MACROD2: variants seen among roughly 807,000 people sequenced by gnomAD.
MACROD2 encodes ADP-ribose glycohydrolase MACROD2.
MACROD2 carries 36 observed loss-of-function variants against 70.4 expected under a neutral mutation model. That is an observed-to-expected ratio of 0.51 (90% CI 0.39 to 0.68). MACROD2 has a LOEUF of 0.68. MACROD2 is among the 30% of genes least tolerant of loss of function. The probability of loss-of-function intolerance (pLI) is 0.00; values close to 1 mark genes in which losing one functional copy is unlikely to be tolerated. For missense variants in MACROD2, 496 were observed against 538.4 expected, an observed-to-expected ratio of 0.92 and a Z score of 0.78; for synonymous variants, 172 against 178.8, an observed-to-expected ratio of 0.96 and a Z score of 0.30.
chr20:15,060,114 G>A (rs1407917714), intron 5 of MACROD2, among the ~76,000 whole-genome samples: 4 of 152,178 alleles, frequency 2.6e-5, no homozygotes, highest in Non-Finnish European at 4.4e-5. Flanking sequence ...TACACCCTTG[G>A]GAAGGAGATT....
chr20:14,844,169 A>G (rs1313670831), intron 5 of MACROD2, among the ~76,000 whole-genome samples: 2 of 151,902 alleles, frequency 1.3e-5, no homozygotes, highest in African/African-American at 4.8e-5. Context: ...GGGTCTCAAC[A>G]TTCCATATTC....
intron 6 of MACROD2, among the ~76,000 whole-genome samples, chr20:15,236,810 A>G (rs555699577): frequency 4.6e-5 from 7 of 152,232 alleles, no homozygotes; most frequent in Admixed American, 4.6e-4. Flanking sequence ...GCTCAAGTGA[A>G]TTAAGGTCTT....
chr20:15,689,722 A>C (rs8125287), intron 8 of MACROD2, among the ~76,000 whole-genome samples: 42,946 of 151,964 alleles, frequency 0.28, 8,034 homozygotes, highest in African/African-American at 0.53. Context: ...TACAGACCCC[A>C]AGGGTCTCAG....
intron 8 of MACROD2, among the ~76,000 whole-genome samples, chr20:15,524,319 G>A (rs1352395718): frequency 2.0e-5 from 3 of 151,834 alleles, no homozygotes; most frequent in Non-Finnish European, 2.9e-5. Flanking sequence ...AAGCAGGCTG[G>A]GCAGAGACTC....
chr20:14,134,106 A>G (rs1344863451), intron 3 of MACROD2, among the ~76,000 whole-genome samples: 4 of 152,172 alleles, frequency 2.6e-5, no homozygotes, highest in Non-Finnish European at 5.9e-5. Flanking sequence ...TTTGATCCCA[A>G]AGGTACTCCT....
At chr20:14,627,858 C>A (rs905578744) in intron 4 of MACROD2, among the ~76,000 whole-genome samples, 2 of 152,080 alleles carry the variant, frequency 1.3e-5, no homozygotes, top group African/African-American at 4.8e-5. Flanking sequence ...ATTCTGGATT[C>A]AATGACAAAA....
chr20:15,699,463 G>A (rs2050423957), intron 8 of MACROD2, among the ~76,000 whole-genome samples: 1 of 152,198 alleles, frequency 6.6e-6, no homozygotes, highest in Admixed American at 6.5e-5. Flanking sequence ...ACCAGCACCT[G>A]TTCTGCTGGA....
chr20:14,095,529 A>G (rs564737382), intron 3 of MACROD2, among the ~76,000 whole-genome samples: 1 of 152,336 alleles, frequency 6.6e-6, no homozygotes, highest in Admixed American at 6.5e-5. Flanking sequence ...CTGGTTATAC[A>G]GCCAGTAAGT....
chr20:15,671,404 A>C (rs1600737297), intron 8 of MACROD2, among the ~76,000 whole-genome samples: 1 of 152,154 alleles, frequency 6.6e-6, no homozygotes, highest in Admixed American at 6.5e-5. Context: ...GGCAAAGATA[A>C]GAATGTAAGG....
chr20:15,746,363 G>C (rs906868663), intron 8 of MACROD2, among the ~76,000 whole-genome samples: 7 of 151,408 alleles, frequency 4.6e-5, no homozygotes, highest in Admixed American at 1.3e-4. Context: ...GCATAGCCTT[G>C]GTAAACTTTC....
At chr20:14,258,781 C>T (rs1045470603) in intron 3 of MACROD2, among the ~76,000 whole-genome samples, 6 of 151,984 alleles carry the variant, frequency 3.9e-5, no homozygotes, top group African/African-American at 1.4e-4. Flanking sequence ...CATGAACTCT[C>T]CCTAAGCCAA....
At chr20:14,987,787 G>A (rs2122858605) in intron 5 of MACROD2, among the ~76,000 whole-genome samples, 1 of 152,202 alleles carries the variant, frequency 6.6e-6, no homozygotes, top group South Asian at 2.1e-4. Flanking sequence ...TCCTTGGGAT[G>A]CCATGTTATA....
At chr20:14,435,175 C>G (rs1033602706) in intron 3 of MACROD2, among the ~76,000 whole-genome samples, 2 of 152,134 alleles carry the variant, frequency 1.3e-5, no homozygotes, top group Non-Finnish European at 2.9e-5. Context: ...TTTGTGGTGG[C>G]TTTCGGAATT....
chr20:15,196,445 G>C (rs780828349), intron 5 of MACROD2, among the ~76,000 whole-genome samples: 13 of 152,114 alleles, frequency 8.5e-5, no homozygotes, highest in Non-Finnish European at 1.9e-4. Context: ...CGAGATGTTA[G>C]AATAAGATTT....
chr20:14,292,294 CACTT>C (rs2122454242), intron 3 of MACROD2, among the ~76,000 whole-genome samples: 1 of 151,902 alleles, frequency 6.6e-6, no homozygotes, highest in South Asian at 2.1e-4. Context: ...CCTTGGGAGA[CACTT>C]ACCAATGTCT....
chr20:15,972,282 A>G (rs2066243414), intron 13 of MACROD2, among the ~76,000 whole-genome samples: 1 of 152,184 alleles, frequency 6.6e-6, no homozygotes, highest in East Asian at 1.9e-4. Context: ...TCTGAGGGTG[A>G]ATGTGGGAGA....
intron 5 of MACROD2, among the ~76,000 whole-genome samples, chr20:15,054,260 G>T (rs1017696574): frequency 1.3e-5 from 2 of 152,212 alleles, no homozygotes; most frequent in Non-Finnish European, 2.9e-5. Flanking sequence ...ATTCTACTGT[G>T]TGAAAAATGC....
At chr20:16,000,142 G>A (rs555501773) in intron 15 of MACROD2, among the ~76,000 whole-genome samples, 1 of 152,048 alleles carries the variant, frequency 6.6e-6, no homozygotes, top group South Asian at 2.1e-4. Flanking sequence ...TTACTACCTG[G>A]CCCTTTATAG....
At chr20:15,694,015 C>T (rs1235654708) in intron 8 of MACROD2, among the ~76,000 whole-genome samples, 1 of 152,146 alleles carries the variant, frequency 6.6e-6, no homozygotes, top group Non-Finnish European at 1.5e-5. Flanking sequence ...AGTCTCCAAT[C>T]TCATCTAAGT....
Sources: allele counts gnomAD v4.1 joint callset (sites outside exome capture counted in the v4.1 genomes callset), GRCh38; gene constraint gnomAD v4.1.1; transcripts MANE v1.5; gene names NCBI Gene and HGNC (gene_info 2026-07-23, HGNC 2026-07-21).